Variants in CMPK1 observed in about 807,000 individuals in gnomAD.
The protein encoded by CMPK1 is cytidine/uridine monophosphate kinase 1.
Under a neutral mutation model 25.7 loss-of-function variants are expected in CMPK1, and 10 were observed. The observed-to-expected ratio is 0.39, with a 90% CI of 0.24 to 0.66. The LOEUF is 0.66. Ranked by LOEUF, CMPK1 falls within the 30% of genes least tolerant of loss-of-function variation. The probability of loss-of-function intolerance (pLI) is 0.48; values close to 1 mark genes in which losing one functional copy is unlikely to be tolerated. For synonymous variants in CMPK1, 106 were observed against 101.5 expected, an observed-to-expected ratio of 1.04 and a Z score of -0.27; for missense variants, 199 against 280.5, an observed-to-expected ratio of 0.71 and a Z score of 2.08.
chr1:47,334,889 C>A lies in CMPK1; in HGVS notation c.171+773C>A, dbSNP rs75697259. ...AAAAGAGTCTCTGAACCCAGATTTTCTCAGGATATAAAACACCTCCCAAAT... is the reference window on the plus strand; with the variant it reads ...AAAAGAGTCTCTGAACCCAGATTTTATCAGGATATAAAACACCTCCCAAAT... On this transcript the variant is annotated intron_variant, in intron 1 of 5. Coordinates refer to ENST00000371873, the MANE Select transcript of CMPK1 (RefSeq NM_016308.3). Among the ~76,000 whole-genome samples the A allele has an allele frequency of 1.3e-4, 20 of 152,354 alleles. 1 individual carries two copies. In the East Asian group the frequency reaches 3.5e-3, roughly 26 times the overall value.
chr1:47,362,256 G>A lies in CMPK1; in HGVS notation c.172-6213G>A, dbSNP rs1462200784. On this transcript the variant is annotated intron_variant, in intron 1 of 5. Coordinates refer to ENST00000371873, the MANE Select transcript of CMPK1 (RefSeq NM_016308.3). ...ACGATCTTGGCTCACTGCAACCTCC[G>A]CCTTCTGGGTTCAAGCGATTCTCCT... Among the ~76,000 whole-genome samples, 7 of 142,594 alleles carry A rather than the reference G, an allele frequency of 4.9e-5. No individual in the cohort carries two copies. The East Asian group carries it at 1.4e-3, about 28-fold the overall frequency. The allele number at this position is 142,594 out of a possible 152,430, so 93.5% of individuals were successfully genotyped here.
Position 47,335,636 on chromosome 1 carries a change from CAAAAAA to C in CMPK1, c.171+1537_171+1542del, listed in dbSNP as rs34856862. Among the ~76,000 whole-genome samples the C allele has an allele frequency of 3.3e-4, 25 of 75,274 alleles. 1 individual carries two copies. The highest frequency in any genetic ancestry group is 1.1e-3 in the African/African-American group (22 of 20,768). 49.4% of individuals were successfully genotyped at this position (75,274 alleles called of 152,430 possible). The stretch of plus-strand genomic sequence containing the variant: ...TGGGCGAAAGAGTGAAACTCCGTCT[CAAAAAA>C]AAAAAAAAAAAAAAAATCATTTTAG... On this transcript the variant is annotated intron_variant, in intron 1 of 5. Coordinates refer to ENST00000371873, the MANE Select transcript of CMPK1 (RefSeq NM_016308.3).
At chr1:47,361,450 A>G (rs934222407) in intron 1 of CMPK1, among the ~76,000 whole-genome samples, 4 of 152,210 alleles carry the variant, frequency 2.6e-5, no homozygotes, top group Non-Finnish European at 4.4e-5. Flanking sequence ...GGCGAACTAT[A>G]GGACACAAAG....
At chr1:47,337,563 A>G (rs1646408056) in intron 1 of CMPK1, among the ~76,000 whole-genome samples, 1 of 152,020 alleles carries the variant, frequency 6.6e-6, no homozygotes, top group South Asian at 2.1e-4. Context: ...CAAATAGTTT[A>G]TAATTTAGCA....
At position 47,372,937 on chromosome 1, in the gene CMPK1, ATCT is replaced by A. The variant is rs1557433418; in HGVS notation, c.319-13_319-11del. 5.6e-6 allele frequency: 9 copies of A among 1,599,430 alleles called. No homozygotes were observed. The highest frequency in any genetic ancestry group is 1.7e-5 in the Admixed American group (1 of 57,636). On this transcript the variant is annotated splice_polypyrimidine_tract_variant and intron_variant, in intron 2 of 5. Coordinates refer to ENST00000371873, the MANE Select transcript of CMPK1 (RefSeq NM_016308.3). The stretch of plus-strand genomic sequence containing the variant: ...TTTGTTAATGTTGTATTGAACCTAA[ATCT>A]TCTTTTTCCTTTAGGAAATGGATCA...
chr1:47,338,606 T>C (rs1475583450), intron 1 of CMPK1, among the ~76,000 whole-genome samples: 1 of 145,520 alleles, frequency 6.9e-6, no homozygotes, highest in Non-Finnish European at 1.5e-5. Flanking sequence ...CTGTTCTTTC[T>C]TTTTCTTCTT....
intron 1 of CMPK1, among the ~76,000 whole-genome samples, chr1:47,343,668 C>A (rs896459571): frequency 6.6e-6 from 1 of 152,082 alleles, no homozygotes; most frequent in Admixed American, 6.6e-5. Context: ...AATCCCAGCA[C>A]TTTGGGAAGC....
intron 1 of CMPK1, among the ~76,000 whole-genome samples, chr1:47,350,721 C>T (rs1052629926): frequency 4.0e-5 from 6 of 151,640 alleles, no homozygotes; most frequent in African/African-American, 7.3e-5. Context: ...GGTGAAACAC[C>T]GTCTCTACTA....
chr1:47,351,733 TCAC>T lies in CMPK1; in HGVS notation c.172-16733_172-16731del, dbSNP rs1434503516. Among the ~76,000 whole-genome samples the T allele has an allele frequency of 2.6e-5, 4 of 152,200 alleles. No individual in the cohort carries two copies. In the East Asian group the frequency reaches 7.7e-4, roughly 29 times the overall value. On this transcript the variant is annotated intron_variant, in intron 1 of 5. Coordinates refer to ENST00000371873, the MANE Select transcript of CMPK1 (RefSeq NM_016308.3). ...CAAAGGTTCCAGTTTCTCCACATCT[TCAC>T]CAATGTTTATTTTTTTTGTTTTTGT...
chr1:47,346,216 A>G lies in CMPK1; in HGVS notation c.171+12100A>G, dbSNP rs187308704. ...AGGTGCCCGCCACCACGCCCGGCTA[A>G]TTTTTGTTTTGTTAGTAGAGACGGG... On this transcript the variant is annotated intron_variant, in intron 1 of 5. Transcript: ENST00000371873. Among the ~76,000 whole-genome samples the G allele has an allele frequency of 1.7e-4, 25 of 151,264 alleles. No homozygotes were observed. The East Asian group carries it at 3.8e-3, about 23-fold the overall frequency.
intron 1 of CMPK1, among the ~76,000 whole-genome samples, chr1:47,343,797 G>T (rs1646462510): frequency 6.6e-6 from 1 of 151,784 alleles, no homozygotes. Flanking sequence ...TGAGGCAGGA[G>T]CATGGCGTGA....
At chr1:47,340,453 C>G (rs1646433302) in intron 1 of CMPK1, among the ~76,000 whole-genome samples, 1 of 152,116 alleles carries the variant, frequency 6.6e-6, no homozygotes, top group Non-Finnish European at 1.5e-5. Context: ...TCAGATTTCT[C>G]ATGTAACACT....
Position 47,358,902 on chromosome 1 carries a change from T to C in CMPK1, c.172-9567T>C, listed in dbSNP as rs1646581802. On this transcript the variant is annotated intron_variant, in intron 1 of 5. Transcript: ENST00000371873. ...GAGATACTAAAATGTGATTATTTCA[T>C]GAAGAGGATCTTTACATGTTGCATT... is the stretch of plus-strand genomic sequence containing the variant. 3.0e-6 allele frequency: 3 copies of C among 985,342 alleles called. 1 individual carries two copies. In the South Asian group the frequency reaches 1.4e-4, roughly 46 times the overall value. 61.0% of individuals were successfully genotyped at this position (985,342 alleles called of 1,614,324 possible).
intron 1 of CMPK1, among the ~76,000 whole-genome samples, chr1:47,351,858 G>A (rs566531510): frequency 3.3e-5 from 5 of 151,670 alleles, no homozygotes; most frequent in East Asian, 1.9e-4. Context: ...GTCTTTGGCC[G>A]GGTGTAATGG....
intron 1 of CMPK1, among the ~76,000 whole-genome samples, chr1:47,367,872 G>A (rs1297462400): frequency 6.6e-6 from 1 of 152,032 alleles, no homozygotes; most frequent in Non-Finnish European, 1.5e-5. Flanking sequence ...GACTCAAACA[G>A]TCCTTTTGCA....
chr1:47,377,191 G>C lies in CMPK1; in HGVS notation c.*446G>C, dbSNP rs534804633. The C allele has an allele frequency of 1.3e-5, 2 of 153,050 alleles. No homozygotes were observed. The highest frequency in any genetic ancestry group is 4.1e-4 in the South Asian group (2 of 4,824). 9.5% of individuals were successfully genotyped at this position (153,050 alleles called of 1,614,324 possible). On this transcript the variant is annotated 3_prime_UTR_variant, in exon 6 of 6. Coordinates refer to ENST00000371873, the MANE Select transcript of CMPK1 (RefSeq NM_016308.3). The stretch of plus-strand genomic sequence containing the variant: ...TTCAAAGGAACTTTTTGTGTAGTCA[G>C]TTCTTGCACAATGTGTTTGGTAAAC...
chr1:47,370,555 C>T (rs571321578), intron 2 of CMPK1, among the ~76,000 whole-genome samples: 45 of 149,626 alleles, frequency 3.0e-4, no homozygotes, highest in African/African-American at 1.0e-3. Context: ...GCAGAAGAAT[C>T]GCATGAACCT....
intron 1 of CMPK1, among the ~76,000 whole-genome samples, chr1:47,344,172 A>G (rs1646465690): frequency 1.3e-5 from 2 of 152,190 alleles, no homozygotes; most frequent in Non-Finnish European, 2.9e-5. Flanking sequence ...GATAAATCCT[A>G]TGATATAAAT....
intron 3 of CMPK1, among the ~76,000 whole-genome samples, chr1:47,373,720 T>TTC (rs1332392989): frequency 1.6e-4 from 24 of 151,524 alleles, no homozygotes; most frequent in Non-Finnish European, 1.6e-4. Context: ...TGCTTGAACC[T>TTC]GGGAGGCAGA....
Sources: gnomAD v4.1 joint callset for allele counts (sites outside exome capture counted in the v4.1 genomes callset) on GRCh38, gnomAD v4.1.1 for gene constraint, MANE v1.5 for transcripts, NCBI Gene and HGNC (gene_info 2026-07-23, HGNC 2026-07-21) for gene names.